The following GARIN2 variants were observed in gnomAD, a reference collection of about 807,000 sequenced individuals.
The protein encoded by GARIN2 is golgi associated RAB2 interactor family member 2.
chr14:67,223,398 G>A, the GARIN2 span, among the ~76,000 whole-genome samples: 15 of 152,324 alleles, frequency 9.8e-5, no homozygotes, highest in African/African-American at 3.6e-4. Flanking sequence ...GAACATTATA[G>A]GGAAATGCTA....
At chr14:67,225,081 C>A in the GARIN2 span, 1 of 1,528,836 alleles carries the variant, frequency 6.5e-7, no homozygotes, top group South Asian at 1.3e-5. Flanking sequence ...TTGATCTCTC[C>A]TTTACTTTCC....
the GARIN2 span, among the ~76,000 whole-genome samples, chr14:67,195,337 C>G: frequency 6.6e-6 from 1 of 152,266 alleles, no homozygotes; most frequent in South Asian, 2.1e-4. Context: ...CCTGAATCCA[C>G]AGCTACACCT....
chr14:67,221,467 G>A, the GARIN2 span, among the ~76,000 whole-genome samples: 3 of 152,228 alleles, frequency 2.0e-5, no homozygotes, highest in Non-Finnish European at 4.4e-5. Context: ...GGACAAGGAG[G>A]CGGCAGTGTT....
chr14:67,201,738 C>A, the GARIN2 span: 1 of 339,892 alleles, frequency 2.9e-6, no homozygotes, highest in Non-Finnish European at 5.8e-6. Context: ...AGAAGAGGGG[C>A]ACAGTTTGGG....
the GARIN2 span, among the ~76,000 whole-genome samples, chr14:67,196,213 TTC>T: frequency 8.7e-5 from 13 of 148,606 alleles, no homozygotes; most frequent in Non-Finnish European, 1.5e-5. Flanking sequence ...TTCTTTTCTT[TTC>T]TTTCTTTCTT....
chr14:67,207,671 G>A, the GARIN2 span, among the ~76,000 whole-genome samples: 73 of 152,266 alleles, frequency 4.8e-4, no homozygotes, highest in African/African-American at 1.4e-4. Context: ...GATTCTGAGC[G>A]AATCAGAGAG....
chr14:67,193,592 TATATATCTATAGATATATAGATAGAA>T, the GARIN2 span, among the ~76,000 whole-genome samples: 2 of 145,366 alleles, frequency 1.4e-5, no homozygotes, highest in African/African-American at 5.0e-5. Flanking sequence ...TAGATATAGA[TATATATCTATAGATATATAGATAGAA>T]ATATATCTAT....
At chr14:67,204,880 C>T in the GARIN2 span, 321 of 1,613,922 alleles carry the variant, frequency 2.0e-4, no homozygotes, top group African/African-American at 3.9e-3. Context: ...CATAGATTTC[C>T]CAGAATTCAC....
At chr14:67,206,197 A>G in the GARIN2 span, among the ~76,000 whole-genome samples, 1 of 151,926 alleles carries the variant, frequency 6.6e-6, no homozygotes, top group Admixed American at 6.6e-5. Context: ...ACACAAAACA[A>G]AAGAAAAGAA....
At chr14:67,210,631 G>A in the GARIN2 span, among the ~76,000 whole-genome samples, 5 of 151,736 alleles carry the variant, frequency 3.3e-5, no homozygotes, top group South Asian at 2.1e-4. Flanking sequence ...TTAAACTTTC[G>A]TTATATAATT....
chr14:67,208,239 A>T, the GARIN2 span: 2 of 1,614,050 alleles, frequency 1.2e-6, no homozygotes, highest in East Asian at 4.5e-5. Flanking sequence ...GGGTGTTTAC[A>T]AGATACAAAA....
At chr14:67,206,273 C>A in the GARIN2 span, among the ~76,000 whole-genome samples, 2 of 152,082 alleles carry the variant, frequency 1.3e-5, no homozygotes, top group Non-Finnish European at 2.9e-5. Flanking sequence ...CCGAGGCGGG[C>A]AGATCACCTG....
At chr14:67,191,771 A>G in the GARIN2 span, among the ~76,000 whole-genome samples, 1 of 152,198 alleles carries the variant, frequency 6.6e-6, no homozygotes, top group African/African-American at 2.4e-5. Flanking sequence ...CACATACAGC[A>G]CATTGCTTGG....
chr14:67,199,588 T>A, the GARIN2 span: 1 of 1,595,106 alleles, frequency 6.3e-7, no homozygotes, highest in Non-Finnish European at 8.6e-7. Flanking sequence ...CCGTATCTTA[T>A]GCCTTCGAGA....
the GARIN2 span, among the ~76,000 whole-genome samples, chr14:67,197,697 A>C: frequency 2.0e-5 from 3 of 152,148 alleles, no homozygotes; most frequent in Admixed American, 1.3e-4. Flanking sequence ...CTGCTTACAA[A>C]AAGGGATTGG....
At chr14:67,222,999 C>CTT in the GARIN2 span, among the ~76,000 whole-genome samples, 7,504 of 124,676 alleles carry the variant, frequency 0.06, 331 homozygotes, top group African/African-American at 0.092. Flanking sequence ...TCCCATTGGG[C>CTT]TTTTTTTTTT....
At chr14:67,221,723 C>G in the GARIN2 span, 1 of 1,600,086 alleles carries the variant, frequency 6.2e-7, no homozygotes, top group Non-Finnish European at 8.5e-7. Context: ...TAGATCTTTT[C>G]TAAATATTTG....
At chr14:67,193,246 C>A in the GARIN2 span, among the ~76,000 whole-genome samples, 1,187 of 136,352 alleles carry the variant, frequency 8.7e-3, 25 homozygotes, top group African/African-American at 0.03. Context: ...AGACATCTAT[C>A]TATATATCTC....
chr14:67,223,997 C>T, the GARIN2 span: 5 of 983,874 alleles, frequency 5.1e-6, no homozygotes, highest in African/African-American at 8.7e-5. Flanking sequence ...AACTGCTCCC[C>T]ATAGTAGTAA....
Sources: gnomAD v4.1 joint callset for allele counts (sites outside exome capture counted in the v4.1 genomes callset) on GRCh38, gnomAD v4.1.1 for gene constraint, MANE v1.5 for transcripts, NCBI Gene and HGNC (gene_info 2026-07-23, HGNC 2026-07-21) for gene names.